Variants in RHOT1 observed in about 807,000 individuals in gnomAD.
The protein encoded by RHOT1 is mitochondrial Rho GTPase 1.
Under a neutral mutation model 95.3 loss-of-function variants are expected in RHOT1, and 27 were observed. That is an observed-to-expected ratio of 0.28 (90% CI 0.21 to 0.39). The LOEUF (loss-of-function observed/expected upper bound fraction) is 0.39, where lower values mean the gene tolerates loss of function less well. Among genes scored for constraint, RHOT1 ranks in the 10% least tolerant of loss-of-function variants. The probability of loss-of-function intolerance (pLI) is 1.00; values close to 1 mark genes in which losing one functional copy is unlikely to be tolerated. For missense variants in RHOT1, 578 were observed against 786.7 expected (o/e 0.73, Z 3.17); for synonymous variants, 227 against 263.5 (o/e 0.86, Z 1.34).
intron 8 of RHOT1, among the ~76,000 whole-genome samples, chr17:32,187,370 G>T (rs2036140705): frequency 1.3e-5 from 2 of 151,524 alleles, no homozygotes; most frequent in African/African-American, 2.4e-5. Flanking sequence ...TCAGCCTCCT[G>T]AGTAGCTGGG....
At chr17:32,200,864 TG>T in intron 13 of RHOT1, 91 bp from the exon 14 acceptor site, 1 of 822,674 alleles carries the variant, frequency 1.2e-6, no homozygotes, top group Non-Finnish European at 2.0e-6. Context: ...TATCTAGGTC[TG>T]GTGCATAAAG....
At chr17:32,211,311 T>C (rs1219949917) in intron 19 of RHOT1, 73 bp downstream of exon 19, 3 of 1,401,666 alleles carry the variant, frequency 2.1e-6, no homozygotes, top group South Asian at 3.0e-5. Context: ...AACTATTTAT[T>C]ATACAGATAC....
intron 1 of RHOT1, among the ~76,000 whole-genome samples, chr17:32,168,709 GTGT>G (rs1199132650): frequency 6.6e-6 from 1 of 151,322 alleles, no homozygotes; most frequent in Non-Finnish European, 1.5e-5. Flanking sequence ...TTCCCTTTCG[GTGT>G]TGTTAACTTG....
At chr17:32,201,715 T>A (rs2037331485) in intron 14 of RHOT1, among the ~76,000 whole-genome samples, 1 of 152,268 alleles carries the variant, frequency 6.6e-6, no homozygotes, top group Non-Finnish European at 1.5e-5. Context: ...GACATTTTTC[T>A]GTATCAATAG....
chr17:32,148,393 TAA>T (rs926484788), intron 1 of RHOT1, among the ~76,000 whole-genome samples: 1 of 152,264 alleles, frequency 6.6e-6, no homozygotes, highest in African/African-American at 2.4e-5. Context: ...CCATTCTGCA[TAA>T]AGAGTCTATT....
chr17:32,166,816 T>C (rs1386044554), intron 1 of RHOT1, among the ~76,000 whole-genome samples: 8 of 152,242 alleles, frequency 5.3e-5, no homozygotes, highest in Non-Finnish European at 1.0e-4. Context: ...AATTCCTTCA[T>C]TGAGGCTTGA....
At chr17:32,168,572 C>CAT (rs1359784699) in intron 1 of RHOT1, among the ~76,000 whole-genome samples, 5 of 150,374 alleles carry the variant, frequency 3.3e-5, no homozygotes, top group Admixed American at 6.7e-5. Flanking sequence ...CTGCACCAGA[C>CAT]ATATATATAT....
At chr17:32,165,289 A>G (rs937514440) in intron 1 of RHOT1, among the ~76,000 whole-genome samples, 23 of 148,722 alleles carry the variant, frequency 1.5e-4, no homozygotes, top group African/African-American at 5.7e-4. Flanking sequence ...ATAAGCCGAA[A>G]TCGCGCCACT....
intron 7 of RHOT1, 97 bp downstream of exon 7, chr17:32,182,962 C>T (rs1449775891): frequency 5.8e-6 from 5 of 863,336 alleles, no homozygotes; most frequent in Non-Finnish European, 9.0e-6. Context: ...GAATAAATTT[C>T]CTGCTATTTG....
intron 8 of RHOT1, among the ~76,000 whole-genome samples, chr17:32,186,426 C>T (rs1345799934): frequency 6.7e-6 from 1 of 150,222 alleles, no homozygotes; most frequent in East Asian, 2.0e-4. Context: ...TCCAGTGGCA[C>T]AATCTCGGCT....
intron 1 of RHOT1, among the ~76,000 whole-genome samples, chr17:32,152,556 T>C (rs1431979604): frequency 6.6e-6 from 1 of 151,622 alleles, no homozygotes; most frequent in Non-Finnish European, 1.5e-5. Flanking sequence ...TTTCCTCTTA[T>C]AAAGCCTTTT....
At chr17:32,170,526 TCAG>T (rs1292464425) in intron 1 of RHOT1, among the ~76,000 whole-genome samples, 3 of 152,232 alleles carry the variant, frequency 2.0e-5, no homozygotes, top group Non-Finnish European at 4.4e-5. Context: ...AGTATACAAT[TCAG>T]CAGCATTAAA....
At chr17:32,147,846 C>T (rs865796893) in intron 1 of RHOT1, among the ~76,000 whole-genome samples, 2 of 151,796 alleles carry the variant, frequency 1.3e-5, no homozygotes, top group Non-Finnish European at 2.9e-5. Context: ...TTAAACTGCT[C>T]CAGTTTCAAT....
At position 32,190,818 on chromosome 17, in the gene RHOT1, C is replaced by T. The variant is rs144468302; in HGVS notation, c.541-1383C>T. Among the ~76,000 whole-genome samples, 1,014 of 152,086 alleles carry T rather than the reference C, an allele frequency of 6.7e-3. 7 individuals carry two copies. Among genetic ancestry groups the T allele is most frequent in the Non-Finnish European group, 8.1e-3 (553 of 67,986 alleles). On this transcript the variant is annotated intron_variant, in intron 8 of 19. Transcript: ENST00000545287. ...GTCAGATGCTTTCTTTTTTTTGAGA[C>T]GGAGTCTTTCTTTGTCTCCCAGACT... is the stretch of plus-strand genomic sequence containing the variant.
chr17:32,199,108 C>G, intron 12 of RHOT1, 77 bp downstream of exon 12: 1 of 1,148,840 alleles, frequency 8.7e-7, no homozygotes, highest in South Asian at 1.3e-5. Context: ...GTTCCCTGAG[C>G]TATGGGATGT....
intron 1 of RHOT1, among the ~76,000 whole-genome samples, chr17:32,150,026 C>G (rs1006312479): frequency 6.6e-6 from 1 of 152,134 alleles, no homozygotes; most frequent in Non-Finnish European, 1.5e-5. Flanking sequence ...GCTGGTATTA[C>G]AGGTGTGAGC....
chr17:32,156,628 A>G (rs1046208046), intron 1 of RHOT1, among the ~76,000 whole-genome samples: 1 of 152,234 alleles, frequency 6.6e-6, no homozygotes, highest in Admixed American at 6.5e-5. Context: ...GGTGTGCTCC[A>G]TGGAAGTTTA....
chr17:32,145,608 ATTTTTATT>A (rs1014166051), intron 1 of RHOT1, among the ~76,000 whole-genome samples: 2 of 152,056 alleles, frequency 1.3e-5, no homozygotes, highest in African/African-American at 2.4e-5. Flanking sequence ...AGGCAGATTC[ATTTTTATT>A]TTTTTATTTT....
chr17:32,209,293 C>A, intron 18 of RHOT1: 1 of 958,758 alleles, frequency 1.0e-6, no homozygotes, highest in South Asian at 1.9e-5. Context: ...ATAGAATAAC[C>A]AAAACCTTAT....
Sources: allele counts gnomAD v4.1 joint callset (sites outside exome capture counted in the v4.1 genomes callset), GRCh38; gene constraint gnomAD v4.1.1; transcripts MANE v1.5; gene names NCBI Gene and HGNC (gene_info 2026-07-23, HGNC 2026-07-21).